GABRG1: variants seen among roughly 807,000 people sequenced by gnomAD.
GABRG1 encodes the protein gamma-aminobutyric acid type A receptor subunit gamma1.
A neutral mutation model predicts 49.8 loss-of-function variants in GABRG1; 49 were observed. The ratio of observed to expected loss-of-function variants is 0.98; its 90% confidence interval spans 0.78 to 1.25. GABRG1 has a LOEUF of 1.25. GABRG1 is among the 50% of genes most tolerant of loss of function. GABRG1 has a pLI of 0.00. For synonymous variants in GABRG1, 232 were observed against 185.1 expected, an observed-to-expected ratio of 1.25 and a Z score of -2.06; for missense variants, 552 against 552.3, an observed-to-expected ratio of 1.00 and a Z score of 0.01.
Position 46,036,435 on chromosome 4 carries a change from A to AT in GABRG1, c.*4552dup, listed in dbSNP as rs1169593375. ...CACTTTAGGATTTACATTTCAGATT[A>AT]TTTTTTTCTTCATCTTTTATGTGTG... On this transcript the variant is annotated 3_prime_UTR_variant, in exon 9 of 9. Transcript: ENST00000295452. 2.0e-5 allele frequency: 3 copies of AT among 151,918 alleles called. No individual in the cohort carries two copies. Among genetic ancestry groups the AT allele is most frequent in the Non-Finnish European group, 4.4e-5 (3 of 67,892 alleles). The allele number at this position is 151,918 out of a possible 1,614,324, so 9.4% of individuals were successfully genotyped here. A position where few individuals can be genotyped will look rare whatever the true frequency, so the allele number is the denominator to read the frequency against.
intron 8 of GABRG1, among the ~76,000 whole-genome samples, chr4:46,048,420 A>T (rs1384449477): frequency 2.1e-5 from 3 of 139,922 alleles, no homozygotes; most frequent in Non-Finnish European, 3.1e-5. Context: ...GGAAGGAAGG[A>T]AGGTTCTTCC....
intron 3 of GABRG1, among the ~76,000 whole-genome samples, chr4:46,082,101 C>G (rs1261776756): frequency 2.0e-5 from 3 of 151,778 alleles, no homozygotes; most frequent in Non-Finnish European, 4.4e-5. Context: ...GTAGTTTGAA[C>G]TCACAGAAAT....
intron 1 of GABRG1, among the ~76,000 whole-genome samples, chr4:46,116,446 T>C (rs1161513073): frequency 2.0e-5 from 3 of 150,786 alleles, no homozygotes; most frequent in Non-Finnish European, 4.5e-5. Flanking sequence ...ATATCTATGC[T>C]TCAGATACAT....
chr4:46,104,582 A>G, intron 1 of GABRG1, among the ~76,000 whole-genome samples: 1 of 151,540 alleles, frequency 6.6e-6, no homozygotes, highest in East Asian at 2.0e-4. Flanking sequence ...AATAGTATCT[A>G]ATTTTCATTG....
At chr4:46,067,722 C>G (rs1718971123) in intron 3 of GABRG1, among the ~76,000 whole-genome samples, 2 of 152,152 alleles carry the variant, frequency 1.3e-5, no homozygotes, top group Admixed American at 1.3e-4. Context: ...TAGCCACACC[C>G]TTGCTTATAT....
chr4:46,068,489 G>A (rs577417956), intron 3 of GABRG1, among the ~76,000 whole-genome samples: 1 of 152,160 alleles, frequency 6.6e-6, no homozygotes, highest in East Asian at 1.9e-4. Context: ...ACTGTTGGAA[G>A]ACTTATGATT....
At chr4:46,068,475 A>C (rs1718996585) in intron 3 of GABRG1, among the ~76,000 whole-genome samples, 1 of 152,090 alleles carries the variant, frequency 6.6e-6, no homozygotes. Flanking sequence ...TGGAAGTGTT[A>C]ATCACTGTTG....
chr4:46,085,080 A>G (rs1719705286), intron 2 of GABRG1, among the ~76,000 whole-genome samples: 1 of 151,586 alleles, frequency 6.6e-6, no homozygotes. Flanking sequence ...TTCTTATATA[A>G]TAAGAGATTT....
chr4:46,108,499 TTCAC>T (rs1362327482), intron 1 of GABRG1, among the ~76,000 whole-genome samples: 1 of 151,096 alleles, frequency 6.6e-6, no homozygotes. Flanking sequence ...ACTAAAGAAA[TTCAC>T]TCACTCACAA....
chr4:46,058,196 G>A (rs1402562344), intron 7 of GABRG1, 21 bp downstream of exon 7: 3 of 1,594,068 alleles, frequency 1.9e-6, no homozygotes, highest in African/African-American at 1.4e-5. Context: ...TGGCATTATA[G>A]CATAATATTA....
intron 2 of GABRG1, among the ~76,000 whole-genome samples, chr4:46,090,955 T>G (rs2350441): frequency 7.6e-6 from 1 of 131,064 alleles, no homozygotes; most frequent in African/African-American, 2.8e-5. Flanking sequence ...CACACACACA[T>G]ACACACACAC....
At chr4:46,111,206 G>T (rs1197041242) in intron 1 of GABRG1, among the ~76,000 whole-genome samples, 1 of 150,698 alleles carries the variant, frequency 6.6e-6, no homozygotes, top group East Asian at 2.0e-4. Flanking sequence ...CGAAAATAAT[G>T]TTCAATCTAG....
At chr4:46,092,699 T>G (rs1212376854) in intron 2 of GABRG1, among the ~76,000 whole-genome samples, 1 of 152,016 alleles carries the variant, frequency 6.6e-6, no homozygotes, top group East Asian at 1.9e-4. Context: ...ATATACATAT[T>G]TCCTAAAAAA....
At chr4:46,084,135 A>G in intron 2 of GABRG1, 82 bp from the exon 3 acceptor site, 1 of 725,890 alleles carries the variant, frequency 1.4e-6, no homozygotes, top group East Asian at 2.7e-5. Flanking sequence ...AGAAATCTTA[A>G]TAACTACTTA....
chr4:46,042,097 G>A (rs1416960954), intron 8 of GABRG1, among the ~76,000 whole-genome samples: 1 of 151,872 alleles, frequency 6.6e-6, no homozygotes, highest in Non-Finnish European at 1.5e-5. Context: ...TAAAAACATT[G>A]TAGGTTTGCT....
intron 5 of GABRG1, among the ~76,000 whole-genome samples, chr4:46,062,083 G>A (rs1236644137): frequency 1.5e-5 from 2 of 130,000 alleles, no homozygotes; most frequent in Admixed American, 9.5e-5. Context: ...GTGTCCATGT[G>A]TTCTCATTGT....
At chr4:46,050,402 A>T (rs564033144) in intron 8 of GABRG1, among the ~76,000 whole-genome samples, 2 of 151,988 alleles carry the variant, frequency 1.3e-5, no homozygotes, top group South Asian at 4.1e-4. Flanking sequence ...CCAATGAAAA[A>T]AGATTAGGGA....
chr4:46,093,093 A>G (rs1720046076), intron 2 of GABRG1, among the ~76,000 whole-genome samples: 1 of 151,366 alleles, frequency 6.6e-6, no homozygotes, highest in South Asian at 2.1e-4. Context: ...AAAAAGTCAA[A>G]TCATAACTCA....
rs1719665656 is a variant in GABRG1, at chr4:46,083,998, A to C, written c.309T>G (p.Asp103Glu). ...ATTTCTTACTTACCATATTAATTGG[A>C]TCAACTGGTCCAATGCTGTTTACAT... The part of the protein sequence containing the change: ...DVYVNSIGPV[D>E]PINMEYTIDI... Residue 103 changes from aspartate (D) to glutamate (E), a missense_variant, in exon 3 of 9, where the codon GAT becomes GAG. Coordinates refer to ENST00000295452, the MANE Select transcript of GABRG1 (RefSeq NM_173536.4). The C allele has an allele frequency of 3.8e-6, 6 of 1,563,558 alleles. No individual in the cohort carries two copies. The highest frequency in any genetic ancestry group is 4.4e-6 in the Non-Finnish European group (5 of 1,142,012).
Sources: allele counts gnomAD v4.1 joint callset (sites outside exome capture counted in the v4.1 genomes callset), GRCh38; gene constraint gnomAD v4.1.1; transcripts MANE v1.5; gene names NCBI Gene and HGNC (gene_info 2026-07-23, HGNC 2026-07-21).